The following FAM135B variants were observed in gnomAD, a reference collection of about 807,000 sequenced individuals.
The protein encoded by FAM135B is protein FAM135B.
FAM135B carries 43 observed loss-of-function variants against 127.7 expected under a neutral mutation model. That is an observed-to-expected ratio of 0.34 (90% CI 0.26 to 0.43). The LOEUF (loss-of-function observed/expected upper bound fraction) is 0.43, where lower values mean the gene tolerates loss of function less well. FAM135B is among the 20% of genes least tolerant of loss of function. FAM135B has a pLI of 1.00. For missense variants in FAM135B, 1,558 were observed against 1,725.6 expected (o/e 0.90, Z 1.72); for synonymous variants, 670 against 665.1 (o/e 1.01, Z -0.11).
intron 3 of FAM135B, among the ~76,000 whole-genome samples, chr8:138,290,848 G>C (rs1825058189): frequency 6.6e-6 from 1 of 152,114 alleles, no homozygotes; most frequent in Admixed American, 6.5e-5. Flanking sequence ...CATTTTGATT[G>C]ACTTGTTTAA....
intron 3 of FAM135B, among the ~76,000 whole-genome samples, chr8:138,309,232 G>A (rs1315468623): frequency 7.9e-5 from 12 of 152,182 alleles, no homozygotes; most frequent in African/African-American, 2.9e-4. Flanking sequence ...ACCTTCTTCT[G>A]TTGGAAGGTA....
intron 3 of FAM135B, among the ~76,000 whole-genome samples, chr8:138,268,385 T>A (rs1823108394): frequency 6.6e-6 from 1 of 152,142 alleles, no homozygotes; most frequent in African/African-American, 2.4e-5. Context: ...GCTTAATGGG[T>A]ATTTACTGAA....
Position 138,141,324 on chromosome 8 carries a change from T to C in FAM135B, c.3664A>G (p.Ile1222Val). ...ISFIGHSLGN[I>V]IIRSVLTRPR... ...CGTGTGAGGACCGATCGGATGATGA[T>C]GTTGCCAAGAGAATGGCCAATGAAG... The change falls in exon 17 of 20, where the codon ATC becomes GTC. Residue 1222 changes from isoleucine (I) to valine (V), a missense_variant. Physicochemically the swap from Ile to Val is conservative, Grantham distance 29 (BLOSUM62 3). Transcript: ENST00000395297. The surrounding 1 kb of genome is among the most constrained non-coding windows in gnomAD (Gnocchi z 4.7). 1 of 1,614,098 alleles carries C rather than the reference T, an allele frequency of 6.2e-7. No homozygotes were observed. The highest frequency in any genetic ancestry group is 8.5e-7 in the Non-Finnish European group (1 of 1,180,016).
intron 12 of FAM135B, among the ~76,000 whole-genome samples, chr8:138,166,495 T>C (rs1307110793): frequency 1.3e-5 from 2 of 152,206 alleles, no homozygotes; most frequent in East Asian, 1.9e-4. Context: ...CCATATACGG[T>C]AAGTCCTCAT....
At chr8:138,365,207 G>C (rs1038213507) in intron 2 of FAM135B, among the ~76,000 whole-genome samples, 2 of 152,110 alleles carry the variant, frequency 1.3e-5, no homozygotes, top group African/African-American at 4.8e-5. Context: ...TCTGGTTTTA[G>C]TTTATCCTAA....
intron 3 of FAM135B, among the ~76,000 whole-genome samples, chr8:138,285,229 C>T (rs1006534655): frequency 1.4e-5 from 2 of 147,200 alleles, no homozygotes; most frequent in Non-Finnish European, 3.0e-5. Flanking sequence ...TCACCGCAAC[C>T]TCTGCCTTCT....
intron 1 of FAM135B, among the ~76,000 whole-genome samples, chr8:138,372,068 G>A (rs905032368): frequency 1.1e-4 from 17 of 152,208 alleles, no homozygotes; most frequent in African/African-American, 4.1e-4. Flanking sequence ...ACTCAGGTAC[G>A]GCCTCCCTGG....
chr8:138,380,050 C>T (rs952222795), intron 1 of FAM135B, among the ~76,000 whole-genome samples: 15 of 152,242 alleles, frequency 9.9e-5, no homozygotes, highest in South Asian at 4.1e-4. Flanking sequence ...ATTTGCAGAA[C>T]GGCAGTGCAC....
At chr8:138,172,402 T>C (rs898501938) in intron 11 of FAM135B, among the ~76,000 whole-genome samples, 9 of 152,220 alleles carry the variant, frequency 5.9e-5, no homozygotes, top group Admixed American at 2.0e-4. Flanking sequence ...CCACCTGTAA[T>C]GCACTGTCCT....
chr8:138,285,274 G>A (rs1824589693), intron 3 of FAM135B, among the ~76,000 whole-genome samples: 1 of 150,412 alleles, frequency 6.6e-6, no homozygotes, highest in African/African-American at 2.4e-5. Flanking sequence ...AGCCTCCTGG[G>A]TAGCTGGAAT....
At position 138,151,715 on chromosome 8, in the gene FAM135B, G is replaced by A. The variant is rs2130740178; in HGVS notation, c.2760C>T (p.Asn920=). The change falls in exon 13 of 20, where the codon AAC becomes AAT. Residue 920 remains asparagine, a synonymous_variant. Transcript: ENST00000395297. ...DLNVGQQALS[N]SGISEVEGLS... Reference sequence around the variant, plus strand: ...GACCCTCAACCTCTGAGATGCCACTGTTGGAAAGAGCTTGCTGACCCACAT... The same window carrying A: ...GACCCTCAACCTCTGAGATGCCACTATTGGAAAGAGCTTGCTGACCCACAT... 6.2e-7 allele frequency: 1 copy of A among 1,614,158 alleles called. No individual in the cohort carries two copies. The highest frequency in any genetic ancestry group is 1.1e-5 in the South Asian group (1 of 91,078).
intron 2 of FAM135B, among the ~76,000 whole-genome samples, chr8:138,354,185 C>G (rs2131137169): frequency 6.6e-6 from 1 of 152,160 alleles, no homozygotes; most frequent in Non-Finnish European, 1.5e-5. Context: ...AAGCAACTCC[C>G]TTACTCAAAT....
chr8:138,312,395 G>C (rs1331638671), intron 2 of FAM135B, among the ~76,000 whole-genome samples: 3 of 152,156 alleles, frequency 2.0e-5, no homozygotes, highest in Non-Finnish European at 4.4e-5. Context: ...TCAAGGTAGA[G>C]AGGAAAGCAG....
chr8:138,265,462 G>C (rs539187834), intron 4 of FAM135B, among the ~76,000 whole-genome samples: 1 of 152,296 alleles, frequency 6.6e-6, no homozygotes, highest in Admixed American at 6.5e-5. Context: ...AAGAGACCCA[G>C]TAAATGAGTC....
chr8:138,386,180 C>T (rs1158589758), intron 1 of FAM135B, among the ~76,000 whole-genome samples: 1 of 151,240 alleles, frequency 6.6e-6, no homozygotes, highest in Non-Finnish European at 1.5e-5. Flanking sequence ...CACACCATTG[C>T]ACTTCAGCCT....
At chr8:138,276,051 G>A (rs1165663825) in intron 3 of FAM135B, among the ~76,000 whole-genome samples, 8 of 152,078 alleles carry the variant, frequency 5.3e-5, no homozygotes, top group African/African-American at 9.7e-5. Flanking sequence ...AGTCCACATC[G>A]ATCCAGGTTC....
chr8:138,289,932 G>T (rs1162233793), intron 3 of FAM135B, among the ~76,000 whole-genome samples: 1 of 152,216 alleles, frequency 6.6e-6, no homozygotes, highest in Non-Finnish European at 1.5e-5. Flanking sequence ...TGACATGACA[G>T]ATCATCAACT....
intron 2 of FAM135B, among the ~76,000 whole-genome samples, chr8:138,355,658 A>G (rs1341831934): frequency 6.6e-6 from 1 of 152,148 alleles, no homozygotes; most frequent in Non-Finnish European, 1.5e-5. Flanking sequence ...TCTTCTCGTT[A>G]TTCAAGGAAG....
chr8:138,399,837 A>G (rs1833052993), intron 1 of FAM135B, among the ~76,000 whole-genome samples: 1 of 152,184 alleles, frequency 6.6e-6, no homozygotes, highest in African/African-American at 2.4e-5. Flanking sequence ...CAAAATATTC[A>G]TGTCAGACCC....
Sources: allele counts gnomAD v4.1 joint callset (sites outside exome capture counted in the v4.1 genomes callset), GRCh38; gene constraint gnomAD v4.1.1; non-coding constraint Gnocchi (gnomAD v3.1); transcripts MANE v1.5; gene names NCBI Gene and HGNC (gene_info 2026-07-23, HGNC 2026-07-21).